Variants in SMG7 observed in about 807,000 individuals in gnomAD.
The protein encoded by SMG7 is nonsense-mediated mRNA decay factor SMG7.
A neutral mutation model predicts 148.2 loss-of-function variants in SMG7; 34 were observed. The ratio of observed to expected loss-of-function variants is 0.23; its 90% CI spans 0.17 to 0.31. SMG7 has a LOEUF of 0.31. Ranked by LOEUF, SMG7 falls within the 10% of genes least tolerant of loss-of-function variation. The pLI, the probability that SMG7 is intolerant of heterozygous loss-of-function variation, is 1.00. For synonymous variants in SMG7, 492 were observed against 515.1 expected, an observed-to-expected ratio of 0.96 and a Z score of 0.61; for missense variants, 1,114 against 1,408.4, an observed-to-expected ratio of 0.79 and a Z score of 3.35.
intron 2 of SMG7, 136 bp from the exon 3 acceptor site, chr1:183,515,738 T>G (rs1663355127): frequency 2.2e-6 from 1 of 448,780 alleles, no homozygotes; most frequent in African/African-American, 2.0e-5. Context: ...ATAAAACTTC[T>G]GCAGCATTCT....
At chr1:183,522,249 T>C (rs954782262) in intron 4 of SMG7, among the ~76,000 whole-genome samples, 1 of 152,134 alleles carries the variant, frequency 6.6e-6, no homozygotes, top group African/African-American at 2.4e-5. Context: ...AGTGGAAACA[T>C]CATAAAATCA....
In SMG7 at chr1:183,533,150, G is replaced by A. The variant is rs972213840; in HGVS notation, c.844-14G>A. The A allele has an allele frequency of 6.2e-7, 1 of 1,611,538 alleles. No individual in the cohort carries two copies. Among genetic ancestry groups the A allele is most frequent in the South Asian group, 1.1e-5 (1 of 90,846 alleles). ...TCTTGATAATATATGCAGTACGTCT[G>A]TCTTCTTTTACAGAGGCTGCTATTC... is the stretch of plus-strand genomic sequence containing the variant. On this transcript the variant is annotated splice_polypyrimidine_tract_variant and intron_variant, in intron 8 of 22. Coordinates refer to ENST00000688051, the MANE Select transcript of SMG7 (RefSeq NM_001375584.1).
chr1:183,542,925 A>ATG (rs761811792), intron 14 of SMG7, among the ~76,000 whole-genome samples: 8,471 of 140,840 alleles, frequency 0.06, 281 homozygotes, highest in African/African-American at 0.097. Flanking sequence ...TAATATATAT[A>ATG]TATGTGTGTG....
At chr1:183,477,580 A>G (rs11583652) in intron 1 of SMG7, among the ~76,000 whole-genome samples, 20,460 of 118,606 alleles carry the variant, frequency 0.17, 2,247 homozygotes, top group Non-Finnish European at 0.25. Flanking sequence ...ATATGCATAT[A>G]TACGTGTGTG....
intron 1 of SMG7, among the ~76,000 whole-genome samples, chr1:183,498,112 G>A (rs1482406939): frequency 1.2e-4 from 18 of 152,286 alleles, no homozygotes; most frequent in Non-Finnish European, 2.5e-4. Flanking sequence ...AAATCAGACA[G>A]TATCTTGAAT....
chr1:183,485,557 C>CT (rs1169908801), intron 1 of SMG7, among the ~76,000 whole-genome samples: 1 of 152,160 alleles, frequency 6.6e-6, no homozygotes, highest in African/African-American at 2.4e-5. Flanking sequence ...AGTATCACTA[C>CT]TTAGATACAG....
At chr1:183,523,196 T>G (rs773430778) in intron 4 of SMG7, among the ~76,000 whole-genome samples, 1 of 152,154 alleles carries the variant, frequency 6.6e-6, no homozygotes, top group Non-Finnish European at 1.5e-5. Context: ...AAAGGTAATA[T>G]TCTATACCTT....
intron 1 of SMG7, among the ~76,000 whole-genome samples, chr1:183,493,832 G>C (rs1657685916): frequency 6.6e-6 from 1 of 152,110 alleles, no homozygotes; most frequent in African/African-American, 2.4e-5. Flanking sequence ...TGCCCGCCCT[G>C]GCCTCCCAGA....
intron 1 of SMG7, among the ~76,000 whole-genome samples, chr1:183,493,347 TAGAC>T (rs961627774): frequency 6.6e-5 from 10 of 152,358 alleles, no homozygotes; most frequent in African/African-American, 2.4e-4. Flanking sequence ...TTCTTTAACT[TAGAC>T]AACTAATTCT....
At chr1:183,502,245 C>T (rs1433753422) in intron 1 of SMG7, 29 of 1,488,200 alleles carry the variant, frequency 1.9e-5, no homozygotes, top group Non-Finnish European at 2.4e-5. Flanking sequence ...CTCCTCTCCT[C>T]TATCTAGAAT....
intron 18 of SMG7, 135 bp from the exon 19 acceptor site, chr1:183,549,073 A>G (rs1281622507): frequency 6.2e-6 from 4 of 650,034 alleles, no homozygotes; most frequent in Non-Finnish European, 8.0e-6. Flanking sequence ...ATTTGAATTC[A>G]CATCTTCTGA....
At chr1:183,479,280 C>G in intron 1 of SMG7, among the ~76,000 whole-genome samples, 1 of 152,076 alleles carries the variant, frequency 6.6e-6, no homozygotes, top group East Asian at 1.9e-4. Context: ...TTATTGACGA[C>G]TTGGTCCAGA....
At position 183,552,220 on chromosome 1, in the gene SMG7, C is replaced by T. The variant is rs1671186249; in HGVS notation, c.*289C>T. 3 of 1,068,308 alleles carry T rather than the reference C, an allele frequency of 2.8e-6. No individual in the cohort carries two copies. The highest frequency in any genetic ancestry group is 4.1e-5 in the South Asian group (1 of 24,170). The allele number at this position is 1,068,308 out of a possible 1,614,324, so 66.2% of individuals were successfully genotyped here. A position where few individuals can be genotyped will look rare whatever the true frequency, so the allele number is the denominator to read the frequency against. On this transcript the variant is annotated 3_prime_UTR_variant, in exon 23 of 23. Coordinates refer to ENST00000688051, the MANE Select transcript of SMG7 (RefSeq NM_001375584.1). Reference sequence around the variant, plus strand: ...TTGGTATCACCGCCTCTCACCTTCTCCATCGTGCATGTCCCCAGCCACATG... The same window carrying T: ...TTGGTATCACCGCCTCTCACCTTCTTCATCGTGCATGTCCCCAGCCACATG...
At chr1:183,478,736 C>T (rs1189108382) in intron 1 of SMG7, among the ~76,000 whole-genome samples, 5 of 150,858 alleles carry the variant, frequency 3.3e-5, no homozygotes, top group Admixed American at 1.3e-4. Context: ...TTTCCTGCCT[C>T]CGGCTAGCCT....
At chr1:183,534,983 C>G (rs979789406) in intron 10 of SMG7, among the ~76,000 whole-genome samples, 1 of 152,044 alleles carries the variant, frequency 6.6e-6, no homozygotes, top group Non-Finnish European at 1.5e-5. Context: ...ATACTATATA[C>G]ATCTCCTTTT....
At chr1:183,497,880 T>C (rs1658888849) in intron 1 of SMG7, among the ~76,000 whole-genome samples, 1 of 152,190 alleles carries the variant, frequency 6.6e-6, no homozygotes, top group Non-Finnish European at 1.5e-5. Context: ...AAAATTATTT[T>C]ATTATTATAC....
In SMG7 at chr1:183,549,799, A is replaced by G; in HGVS notation, c.3009A>G (p.Val1003=). The change falls in exon 20 of 23, where the codon GTA becomes GTG. Residue 1003 remains valine (V), a synonymous_variant. Transcript: ENST00000688051. ...RYPNNSMFNE[V]YGKNLTSSSK... ...CAAATAATAGTATGTTCAATGAGGT[A>G]TATGGGAAAAACCTGACATCCAGCT... The G allele has an allele frequency of 6.2e-7, 1 of 1,613,862 alleles. No individual in the cohort carries two copies.
intron 1 of SMG7, among the ~76,000 whole-genome samples, chr1:183,487,431 C>T (rs1484125005): frequency 1.3e-5 from 2 of 152,198 alleles, no homozygotes; most frequent in Non-Finnish European, 2.9e-5. Flanking sequence ...AAATCCTTAA[C>T]TAATCACACC....
At chr1:183,538,468 A>G (rs1410750522) in intron 12 of SMG7, 28 bp downstream of exon 12, 1 of 1,385,154 alleles carries the variant, frequency 7.2e-7, no homozygotes, top group African/African-American at 1.4e-5. Context: ...TACCTTTATC[A>G]TTGCCAGTGA....
Sources: allele counts gnomAD v4.1 joint callset (sites outside exome capture counted in the v4.1 genomes callset), GRCh38; gene constraint gnomAD v4.1.1; transcripts MANE v1.5; gene names NCBI Gene and HGNC (gene_info 2026-07-23, HGNC 2026-07-21).